Variants in ASXL3 observed in about 807,000 individuals in gnomAD.
ASXL3 encodes the protein ASXL transcriptional regulator 3, also known as putative Polycomb group protein ASXL3.
In ASXL3, 34 loss-of-function variants were observed where a neutral mutation model predicts 170.6. That is an observed-to-expected ratio of 0.20 (90% CI 0.15 to 0.27). The LOEUF is 0.27. Among genes scored for constraint, ASXL3 ranks in the 10% least tolerant of loss-of-function variants. The pLI, the probability that ASXL3 is intolerant of heterozygous loss-of-function variation, is 1.00. For synonymous variants in ASXL3, 1,002 were observed against 989.1 expected (o/e 1.01, Z -0.24); for missense variants, 2,592 against 2,695.3 (o/e 0.96, Z 0.85).
chr18:33,670,082 C>G (rs995800026), intron 5 of ASXL3, among the ~76,000 whole-genome samples: 6 of 152,090 alleles, frequency 3.9e-5, no homozygotes, highest in Admixed American at 6.6e-5. Context: ...GTCAAGCAGA[C>G]AGAAGCCAAG....
intron 2 of ASXL3, among the ~76,000 whole-genome samples, chr18:33,639,673 G>A (rs1182840802): frequency 6.6e-6 from 1 of 151,972 alleles, no homozygotes; most frequent in Non-Finnish European, 1.5e-5. Context: ...TTGAATTTTT[G>A]ATTCCTAAAA....
intron 2 of ASXL3, among the ~76,000 whole-genome samples, chr18:33,636,764 G>C (rs1469356047): frequency 6.6e-6 from 1 of 152,048 alleles, no homozygotes; most frequent in African/African-American, 2.4e-5. Context: ...CCCTTATTCA[G>C]AATGTTTGGG....
chr18:33,731,587 A>G (rs1175082789), intron 8 of ASXL3, among the ~76,000 whole-genome samples: 1 of 152,050 alleles, frequency 6.6e-6, no homozygotes, highest in Admixed American at 6.6e-5. Context: ...CTTAATTCTC[A>G]CTCACCTAAT....
At chr18:33,691,903 A>G (rs1221971386) in intron 8 of ASXL3, among the ~76,000 whole-genome samples, 2 of 152,182 alleles carry the variant, frequency 1.3e-5, no homozygotes, top group Non-Finnish European at 2.9e-5. Flanking sequence ...TTCTACATAT[A>G]TTATCAGCAA....
At chr18:33,734,546 A>T (rs905802255) in intron 10 of ASXL3, 131 bp downstream of exon 10, 2 of 474,774 alleles carry the variant, frequency 4.2e-6, no homozygotes, top group African/African-American at 4.0e-5. Context: ...CCCTCAGTGT[A>T]AGAAATTGCA....
At chr18:33,722,680 G>A (rs1202577216) in intron 8 of ASXL3, among the ~76,000 whole-genome samples, 1 of 152,176 alleles carries the variant, frequency 6.6e-6, no homozygotes, top group East Asian at 1.9e-4. Context: ...AGAAGCCACA[G>A]CAAGTTATTC....
In ASXL3 at chr18:33,646,635, G is replaced by A. The variant is rs138932253; in HGVS notation, c.355+282G>A. 0.033 allele frequency among the ~76,000 whole-genome samples: 5,022 copies of A among 151,946 alleles called. 129 individuals carry two copies. The highest frequency in any genetic ancestry group is 0.047 in the Non-Finnish European group (3,162 of 67,930). ...CATATTTCTCCTGCAAAGTGAGAGG[G>A]TTACTGGGGGCATCTAGTGGTTTCA... On this transcript the variant is annotated intron_variant, in intron 4 of 11. Coordinates refer to ENST00000269197, the MANE Select transcript of ASXL3 (RefSeq NM_030632.3).
At chr18:33,621,444 G>A (rs1020433457) in intron 2 of ASXL3, among the ~76,000 whole-genome samples, 9 of 152,156 alleles carry the variant, frequency 5.9e-5, no homozygotes, top group Admixed American at 4.6e-4. Context: ...GGCAAAAACC[G>A]CAATTACTTT....
chr18:33,644,997 C>T lies in ASXL3; in HGVS notation c.241C>T (p.Leu81Phe). ...KIPGKSGLYA[L>F]KKEESSCPAD... ...CCCTGGAAAGTCAGGCCTCTATGCT[C>T]TCAAAGTAAGTTGCATTGTTCTGCA... The change falls in exon 3 of 12, where the codon CTC becomes TTC. Residue 81 changes from leucine to phenylalanine, a missense_variant. Physicochemically the swap from Leu to Phe is conservative, Grantham distance 22. Transcript: ENST00000269197. 1 of 1,538,508 alleles carries T rather than the reference C, an allele frequency of 6.5e-7. No individual in the cohort carries two copies. Among genetic ancestry groups the T allele is most frequent in the South Asian group, 1.2e-5 (1 of 84,000 alleles).
intron 8 of ASXL3, among the ~76,000 whole-genome samples, chr18:33,719,255 A>G (rs1174884643): frequency 2.0e-5 from 3 of 151,658 alleles, no homozygotes; most frequent in Non-Finnish European, 4.4e-5. Context: ...TTCTGCCCTT[A>G]CTCTAGGGCT....
In ASXL3 at chr18:33,745,837, AAAG is replaced by A. The variant is rs1245449311; in HGVS notation, c.5993_5995del (p.Glu1998del). ...CATGTTATCCCCCAATATGCCCATG[AAAG>A]AAGGTGATGAGGTGGGAGGCACTGC... On this transcript the variant is annotated inframe_deletion, in exon 12 of 12. Coordinates refer to ENST00000269197, the MANE Select transcript of ASXL3 (RefSeq NM_030632.3). 2.9e-5 allele frequency: 46 copies of A among 1,613,840 alleles called. No individual in the cohort carries two copies. The highest frequency in any genetic ancestry group is 3.8e-5 in the Non-Finnish European group (45 of 1,179,894).
intron 8 of ASXL3, among the ~76,000 whole-genome samples, chr18:33,710,408 G>A (rs541702733): frequency 6.6e-6 from 1 of 152,298 alleles, no homozygotes; most frequent in South Asian, 2.1e-4. Flanking sequence ...AACTATGACA[G>A]CAGAATGTAT....
chr18:33,720,231 GCTGT>G (rs1401320547), intron 8 of ASXL3, among the ~76,000 whole-genome samples: 3 of 152,070 alleles, frequency 2.0e-5, no homozygotes, highest in Non-Finnish European at 4.4e-5. Context: ...ATCAGCAGAA[GCTGT>G]CTATCTGTTT....
chr18:33,578,944 T>C (rs1406825412), intron 1 of ASXL3: 7 of 185,874 alleles, frequency 3.8e-5, no homozygotes, highest in Non-Finnish European at 5.5e-5. Context: ...CGTACTTCGC[T>C]CTCGGGGCTC....
At chr18:33,652,772 A>G (rs1199235423) in intron 4 of ASXL3, among the ~76,000 whole-genome samples, 2 of 151,998 alleles carry the variant, frequency 1.3e-5, no homozygotes, top group Non-Finnish European at 2.9e-5. Flanking sequence ...TGTTAACTTA[A>G]TGAAACGTTA....
intron 2 of ASXL3, among the ~76,000 whole-genome samples, chr18:33,637,126 ATTTTTCAAGTAATC>A (rs2065780154): frequency 6.6e-6 from 1 of 152,140 alleles, no homozygotes; most frequent in Non-Finnish European, 1.5e-5. Context: ...GCTTTTGCAC[ATTTTTCAAGTAATC>A]TTTTAACATT....
At position 33,745,232 on chromosome 18, in the gene ASXL3, A is replaced by C. The variant is rs2145431985; in HGVS notation, c.5384A>C (p.Asn1795Thr). 2 of 1,614,010 alleles carry C rather than the reference A, an allele frequency of 1.2e-6. No individual in the cohort carries two copies. The highest frequency in any genetic ancestry group is 1.7e-5 in the Admixed American group (1 of 60,036). Residue 1795 changes from asparagine (N) to threonine (T), a missense_variant, in exon 12 of 12, where the codon AAC becomes ACC. This residue lies in a region of ASXL3 where 2,246 missense variants were observed against 2,219.6 expected (regional missense o/e 1.01). Transcript: ENST00000269197. ...GTGGGTAAAACAGCACCAGAGAGAA[A>C]CGTTGAAATTCCGCCCAGCTCTCCA... ...TSVGKTAPER[N>T]VEIPPSSPNP...
At chr18:33,663,439 G>C (rs2066208985) in intron 5 of ASXL3, among the ~76,000 whole-genome samples, 1 of 152,108 alleles carries the variant, frequency 6.6e-6, no homozygotes, top group Admixed American at 6.6e-5. Flanking sequence ...TTTTGGTTTT[G>C]TATTATTTGA....
chr18:33,623,832 G>A (rs1415500923), intron 2 of ASXL3, among the ~76,000 whole-genome samples: 1 of 152,120 alleles, frequency 6.6e-6, no homozygotes, highest in African/African-American at 2.4e-5. Context: ...ACTTAATGAA[G>A]CAGAGCCTCA....
Sources: gnomAD v4.1 joint callset for allele counts (sites outside exome capture counted in the v4.1 genomes callset) on GRCh38, gnomAD v4.1.1 for gene constraint, gnomAD v4.1.1 regional missense constraint, MANE v1.5 for transcripts, NCBI Gene and HGNC (gene_info 2026-07-23, HGNC 2026-07-21) for gene names.